Variants in GALNTL6 observed in about 807,000 individuals in gnomAD.
GALNTL6 encodes the protein polypeptide N-acetylgalactosaminyltransferase-like 6.
Under a neutral mutation model 73.7 loss-of-function variants are expected in GALNTL6, and 46 were observed. That is an observed-to-expected ratio of 0.62 (90% CI 0.49 to 0.80). The LOEUF (loss-of-function observed/expected upper bound fraction) is 0.80, where lower values mean the gene tolerates loss of function less well. Among genes scored for constraint, GALNTL6 ranks in the 30% least tolerant of loss-of-function variants. The probability of loss-of-function intolerance (pLI) is 0.00; values close to 1 mark genes in which losing one functional copy is unlikely to be tolerated. For synonymous variants in GALNTL6, 259 were observed against 263.7 expected, an observed-to-expected ratio of 0.98 and a Z score of 0.17; for missense variants, 604 against 755.0, an observed-to-expected ratio of 0.80 and a Z score of 2.34.
intron 5 of GALNTL6, among the ~76,000 whole-genome samples, chr4:172,531,520 G>A (rs896654378): frequency 6.6e-6 from 1 of 152,186 alleles, no homozygotes; most frequent in African/African-American, 2.4e-5. Flanking sequence ...CTGGGACCCA[G>A]CCAGTGGGGT....
intron 5 of GALNTL6, among the ~76,000 whole-genome samples, chr4:172,599,158 C>T (rs983290379): frequency 2.0e-5 from 3 of 152,062 alleles, no homozygotes; most frequent in East Asian, 1.9e-4. Flanking sequence ...ATCCTGTGTA[C>T]ATCAAATAAA....
chr4:172,120,068 G>T (rs116768387), intron 2 of GALNTL6, among the ~76,000 whole-genome samples: 13 of 152,238 alleles, frequency 8.5e-5, no homozygotes, highest in African/African-American at 2.9e-4. Context: ...TGAAGACAAC[G>T]TATTGAGGAT....
intron 5 of GALNTL6, among the ~76,000 whole-genome samples, chr4:172,479,025 T>C (rs1300213468): frequency 6.6e-6 from 1 of 152,170 alleles, no homozygotes; most frequent in African/African-American, 2.4e-5. Context: ...TAGATGTTGG[T>C]GTGGATGTGG....
intron 10 of GALNTL6, among the ~76,000 whole-genome samples, chr4:172,982,623 C>A (rs1042268253): frequency 6.6e-6 from 1 of 152,140 alleles, no homozygotes; most frequent in East Asian, 1.9e-4. Flanking sequence ...AGGTTTACTA[C>A]TGACTCACTA....
intron 7 of GALNTL6, among the ~76,000 whole-genome samples, chr4:172,867,649 A>C (rs1204902781): frequency 6.6e-6 from 1 of 152,252 alleles, no homozygotes; most frequent in Non-Finnish European, 1.5e-5. Context: ...GTTCTTCGCC[A>C]CTAAGGCCAA....
intron 2 of GALNTL6, among the ~76,000 whole-genome samples, chr4:172,062,365 A>T (rs371688471): frequency 1.3e-5 from 2 of 152,212 alleles, no homozygotes; most frequent in African/African-American, 4.8e-5. Flanking sequence ...CCAGTAAATC[A>T]TTACAAAATA....
chr4:172,374,135 G>A (rs1397700806), intron 5 of GALNTL6, among the ~76,000 whole-genome samples: 14 of 152,186 alleles, frequency 9.2e-5, no homozygotes, highest in Admixed American at 7.2e-4. Context: ...GTTTCTCATT[G>A]GACAATCTTT....
At chr4:172,135,770 C>T (rs1207046719) in intron 2 of GALNTL6, among the ~76,000 whole-genome samples, 1 of 48,026 alleles carries the variant, frequency 2.1e-5, no homozygotes, top group Non-Finnish European at 4.4e-5. Context: ...CAATAATAAT[C>T]AATATATGAG....
chr4:172,631,914 T>C (rs934022399), intron 5 of GALNTL6, among the ~76,000 whole-genome samples: 2 of 152,202 alleles, frequency 1.3e-5, no homozygotes, highest in African/African-American at 4.8e-5. Context: ...TCTACATCAA[T>C]GTTTTAAATA....
At chr4:171,915,126 T>A (rs1273554031) in intron 2 of GALNTL6, among the ~76,000 whole-genome samples, 1 of 152,158 alleles carries the variant, frequency 6.6e-6, no homozygotes, top group African/African-American at 2.4e-5. Flanking sequence ...TTAAAATAAA[T>A]TTCCTATAAA....
chr4:171,843,327 G>T (rs980155024), intron 2 of GALNTL6, among the ~76,000 whole-genome samples: 1 of 151,776 alleles, frequency 6.6e-6, no homozygotes, highest in Non-Finnish European at 1.5e-5. Context: ...ATGCACAAAC[G>T]AGAAGATCTA....
At chr4:172,524,810 T>C (rs1734898640) in intron 5 of GALNTL6, among the ~76,000 whole-genome samples, 1 of 152,214 alleles carries the variant, frequency 6.6e-6, no homozygotes, top group Non-Finnish European at 1.5e-5. Flanking sequence ...TAACTACCTT[T>C]TCCTCTATGG....
rs574333225 is a variant in GALNTL6 at position 172,732,941 on chromosome 4, T to A, written c.554-76420T>A. Among the ~76,000 whole-genome samples, 34 of 152,322 alleles carry A rather than the reference T, an allele frequency of 2.2e-4. 1 individual carries two copies. The South Asian group carries it at 5.6e-3, about 25-fold the overall frequency. Reference sequence around the variant, plus strand: ...TAACAGGTTGCCATGCTATTTTTGTTTTTGATAAATTTTTCTTTGGGATTT... The same window carrying A: ...TAACAGGTTGCCATGCTATTTTTGTATTTGATAAATTTTTCTTTGGGATTT... On this transcript the variant is annotated intron_variant, in intron 5 of 12. Coordinates refer to ENST00000506823, the MANE Select transcript of GALNTL6 (RefSeq NM_001034845.3).
rs753649173 is a variant in GALNTL6, at chr4:172,882,845, T to G, written c.979T>G (p.Leu327Val). ...FAVDRKWFWE[L>V]GGYDPGLEIW... The stretch of plus-strand genomic sequence containing the variant: ...TGTGGATCGGAAATGGTTTTGGGAA[T>G]TGGGTGGCTATGATCCAGGTTTAGA... The change falls in exon 8 of 13, where the codon TTG (leucine) becomes GTG (valine). Residue 327 changes from leucine (L) to valine (V), a missense_variant. Physicochemically the swap from Leu to Val is conservative, Grantham distance 32. Transcript: ENST00000506823. 1 of 1,613,230 alleles carries G rather than the reference T, an allele frequency of 6.2e-7. No individual in the cohort carries two copies. The highest frequency in any genetic ancestry group is 1.1e-5 in the South Asian group (1 of 91,066).
intron 7 of GALNTL6, among the ~76,000 whole-genome samples, chr4:172,845,102 C>T (rs920888189): frequency 2.6e-5 from 4 of 151,348 alleles, no homozygotes; most frequent in Non-Finnish European, 4.4e-5. Flanking sequence ...CCAGTAGTCA[C>T]TGCCACTCTG....
At chr4:171,885,085 T>C (rs1736571623) in intron 2 of GALNTL6, among the ~76,000 whole-genome samples, 1 of 150,758 alleles carries the variant, frequency 6.6e-6, no homozygotes, top group Non-Finnish European at 1.5e-5. Flanking sequence ...AGAAAAAGAA[T>C]GTGTTATTTA....
chr4:172,939,581 G>A (rs551335193), intron 9 of GALNTL6, among the ~76,000 whole-genome samples: 3 of 152,254 alleles, frequency 2.0e-5, no homozygotes, highest in Non-Finnish European at 4.4e-5. Context: ...CTATGTGCCA[G>A]GCAGAAATGC....
At chr4:171,915,380 T>C (rs931344302) in intron 2 of GALNTL6, among the ~76,000 whole-genome samples, 27 of 152,172 alleles carry the variant, frequency 1.8e-4, no homozygotes, top group Admixed American at 1.2e-3. Context: ...ACGATGATGC[T>C]TCCTGTACGT....
chr4:172,719,020 T>C (rs763967065), intron 5 of GALNTL6, among the ~76,000 whole-genome samples: 2 of 152,130 alleles, frequency 1.3e-5, no homozygotes, highest in Non-Finnish European at 2.9e-5. Flanking sequence ...AATTACAACA[T>C]CACAATGGGC....
Sources: allele counts gnomAD v4.1 joint callset (sites outside exome capture counted in the v4.1 genomes callset), GRCh38; gene constraint gnomAD v4.1.1; transcripts MANE v1.5; gene names NCBI Gene and HGNC (gene_info 2026-07-23, HGNC 2026-07-21).